FAM107A: variants seen among roughly 807,000 people sequenced by gnomAD.
The protein encoded by FAM107A is family with sequence similarity 107 member A, also known as actin-associated protein FAM107A.
In FAM107A, 19 loss-of-function variants were observed where a neutral mutation model predicts 13.7. The ratio of observed to expected loss-of-function variants is 1.38; its 90% confidence interval spans 0.97 to 2.03. The LOEUF (loss-of-function observed/expected upper bound fraction) is 2.03, where lower values mean the gene tolerates loss of function less well. Ranked by LOEUF, FAM107A falls within the 30% of genes most tolerant of loss-of-function variation. The pLI is 0.00. For missense variants in FAM107A, 203 were observed against 184.4 expected (o/e 1.10, Z -0.58); for synonymous variants, 82 against 74.5 (o/e 1.10, Z -0.52).
chr3:58,620,516 C>T (rs536591320), intron 1 of FAM107A, among the ~76,000 whole-genome samples: 2 of 152,354 alleles, frequency 1.3e-5, no homozygotes, highest in African/African-American at 4.8e-5. Flanking sequence ...TTTTTCCTTT[C>T]TTTCTCCTTT....
At chr3:58,599,129 A>G (rs545973350) in intron 1 of FAM107A, among the ~76,000 whole-genome samples, 112 of 151,966 alleles carry the variant, frequency 7.4e-4, no homozygotes, top group African/African-American at 2.5e-3. Flanking sequence ...TTTAGTAGAG[A>G]TGGGTTTTCA....
chr3:58,591,661 T>C (rs757616412), upstream of FAM107A, among the ~76,000 whole-genome samples: 1 of 152,222 alleles, frequency 6.6e-6, no homozygotes. The surrounding 1 kb of genome is among the most constrained non-coding windows in gnomAD (Gnocchi z 4.3). Context: ...TTGGCAGAAA[T>C]GCTACTTCCT....
chr3:58,584,242 G>T (rs2065579726), intron 1 of FAM107A, among the ~76,000 whole-genome samples: 1 of 152,154 alleles, frequency 6.6e-6, no homozygotes, highest in Non-Finnish European at 1.5e-5. Context: ...TCCAATAGGG[G>T]TTTCCATTAC....
chr3:58,624,339 T>TA (rs1251066520), intron 1 of FAM107A, among the ~76,000 whole-genome samples: 5 of 152,064 alleles, frequency 3.3e-5, no homozygotes, highest in Non-Finnish European at 5.9e-5. Context: ...GGGGCAGATT[T>TA]AAAAAAATGC....
intron 1 of FAM107A, among the ~76,000 whole-genome samples, chr3:58,606,559 C>T (rs918848843): frequency 2.0e-5 from 3 of 152,250 alleles, no homozygotes; most frequent in African/African-American, 7.2e-5. Flanking sequence ...TAGTCTGTAG[C>T]TCTCCTTTTG....
upstream of FAM107A, among the ~76,000 whole-genome samples, chr3:58,590,535 T>C (rs1238586375): frequency 2.0e-5 from 3 of 152,216 alleles, no homozygotes; most frequent in Non-Finnish European, 2.9e-5. Context: ...AACAAAAATG[T>C]TTAATTGGCT....
At chr3:58,598,976 T>A (rs2065729800) in intron 1 of FAM107A, among the ~76,000 whole-genome samples, 1 of 152,130 alleles carries the variant, frequency 6.6e-6, no homozygotes, top group African/African-American at 2.4e-5. Flanking sequence ...AGTTTTGCTC[T>A]TGTCGCCCAG....
chr3:58,574,289 A>T (rs1416282079), intron 1 of FAM107A: 1 of 152,210 alleles, frequency 6.6e-6, no homozygotes, highest in Non-Finnish European at 1.5e-5. Context: ...AGTTTCAAAA[A>T]TTCCAGTGCC....
exon 1 of FAM107A, chr3:58,586,888 C>A (rs759532304): frequency 1.3e-6 from 2 of 1,533,120 alleles, no homozygotes; most frequent in African/African-American, 2.8e-5. Flanking sequence ...CGGTAGAGCC[C>A]GGTGGCATCG....
rs1263632477 is a variant in FAM107A at position 58,604,047 on chromosome 3, T to C, written c.-69-14778A>G. On this transcript the variant is annotated intron_variant, in intron 1 of 3. Coordinates refer to the FAM107A transcript ENST00000465970. This position sits in a 1 kb window ranked among gnomAD's most constrained non-coding sequence, Gnocchi z 4.1. ...TCCCAATAGCCCCTGCCCCACCAGA[T>C]GCCCCTCCGCCTGCTCTCTGAGCTT... Among the ~76,000 whole-genome samples, 2 of 152,152 alleles carry C rather than the reference T, an allele frequency of 1.3e-5. No individual in the cohort carries two copies. The highest frequency in any genetic ancestry group is 6.5e-5 in the Admixed American group (1 of 15,274).
intron 1 of FAM107A, chr3:58,627,332 G>A (rs1575462164): frequency 2.7e-6 from 1 of 364,968 alleles, no homozygotes; most frequent in East Asian, 4.8e-5. Flanking sequence ...GAAGACGTGG[G>A]GCAGTCCTCT....
At chr3:58,589,119 A>G, upstream of FAM107A, 1 of 848,360 alleles carries the variant, frequency 1.2e-6, no homozygotes, top group Non-Finnish European at 1.9e-6. Context: ...GGACTCAGGG[A>G]AATTGTGGCC....
Position 58,569,545 on chromosome 3 carries a change from C to T in FAM107A, c.170+146G>A, listed in dbSNP as rs572377496. The T allele has an allele frequency of 3.2e-4, 218 of 682,112 alleles. No homozygotes were observed. The highest frequency in any genetic ancestry group is 1.3e-3 in the Middle Eastern group (3 of 2,360). The allele number at this position is 682,112 out of a possible 1,614,324, so 42.3% of individuals were successfully genotyped here. A position where few individuals can be genotyped will look rare whatever the true frequency, so the allele number is the denominator to read the frequency against. On this transcript the variant is annotated intron_variant, in intron 2 of 3. Transcript: ENST00000360997. The surrounding 1 kb of genome is among the most constrained non-coding windows in gnomAD (Gnocchi z 5.7). Reference sequence around the variant, plus strand: ...GGGACAGGGTCTTTACAGGTTTTGCCGGTGATCATGTGGGGCACCTCAGCC... The same window carrying T: ...GGGACAGGGTCTTTACAGGTTTTGCTGGTGATCATGTGGGGCACCTCAGCC...
chr3:58,573,074 G>A (rs1398806922), intron 1 of FAM107A, among the ~76,000 whole-genome samples: 7 of 152,170 alleles, frequency 4.6e-5, no homozygotes, highest in Non-Finnish European at 1.0e-4. Flanking sequence ...TCAGCAGTGA[G>A]CTGTGGATGA....
intron 1 of FAM107A, among the ~76,000 whole-genome samples, chr3:58,626,745 T>G (rs2066021660): frequency 6.6e-6 from 1 of 152,144 alleles, no homozygotes; most frequent in South Asian, 2.1e-4. Context: ...GCCAGAGAGA[T>G]TTGGCTGCCC....
At chr3:58,590,143 A>G (rs1399393275), upstream of FAM107A, among the ~76,000 whole-genome samples, 1 of 152,220 alleles carries the variant, frequency 6.6e-6, no homozygotes, top group Non-Finnish European at 1.5e-5. Context: ...CAGCTACCTG[A>G]CATCTCCACT....
At chr3:58,606,768 A>T (rs919708969) in intron 1 of FAM107A, among the ~76,000 whole-genome samples, 1 of 152,348 alleles carries the variant, frequency 6.6e-6, no homozygotes, top group African/African-American at 2.4e-5. Context: ...TCTACATTTC[A>T]GTCTACTCTC....
upstream of FAM107A, chr3:58,577,578 C>T (rs2063741400): frequency 1.0e-6 from 1 of 985,312 alleles, no homozygotes; most frequent in African/African-American, 1.7e-5. The surrounding 1 kb of genome is among the most constrained non-coding windows in gnomAD (Gnocchi z 4.9). Flanking sequence ...ATGTCCAAGC[C>T]ACACGCTTGA....
intron 2 of FAM107A, among the ~76,000 whole-genome samples, chr3:58,567,701 A>AT (rs2063636969): frequency 6.6e-6 from 1 of 152,182 alleles, no homozygotes; most frequent in African/African-American, 2.4e-5. Flanking sequence ...CTTTAAAAAG[A>AT]TTTGAGGTAC....
Sources: allele counts gnomAD v4.1 joint callset (sites outside exome capture counted in the v4.1 genomes callset), GRCh38; gene constraint gnomAD v4.1.1; non-coding constraint Gnocchi (gnomAD v3.1); transcripts MANE v1.5; gene names NCBI Gene and HGNC (gene_info 2026-07-23, HGNC 2026-07-21).